Variants in ILDR1 observed in about 807,000 individuals in gnomAD.
The protein encoded by ILDR1 is immunoglobulin like domain containing receptor 1, also known as immunoglobulin-like domain-containing receptor 1.
ILDR1 carries 56 observed loss-of-function variants against 62.4 expected under a neutral mutation model. The observed-to-expected ratio is 0.90, with a 90% CI of 0.72 to 1.12. The LOEUF (loss-of-function observed/expected upper bound fraction) is 1.12. Among genes scored for constraint, ILDR1 ranks in the 50% most tolerant of loss-of-function variants. ILDR1 has a pLI of 0.00. For synonymous variants in ILDR1, 284 were observed against 277.8 expected (o/e 1.02, Z -0.22); for missense variants, 736 against 710.6 (o/e 1.04, Z -0.41).
At chr3:122,048,231 G>A in the ILDR1 span, among the ~76,000 whole-genome samples, 1 of 152,148 alleles carries the variant, frequency 6.6e-6, no homozygotes, top group Non-Finnish European at 1.5e-5. Context: ...TTTTAATGAT[G>A]TACCATACTA....
At chr3:122,035,566 C>A in the ILDR1 span, among the ~76,000 whole-genome samples, 1 of 152,182 alleles carries the variant, frequency 6.6e-6, no homozygotes, top group Non-Finnish European at 1.5e-5. Context: ...TTGCTATTCT[C>A]ATGATAGTGA....
At chr3:122,032,139 C>T in the ILDR1 span, among the ~76,000 whole-genome samples, 1 of 152,312 alleles carries the variant, frequency 6.6e-6, no homozygotes, top group Non-Finnish European at 1.5e-5. Context: ...TCCCTCCTTG[C>T]TTCTCCCCAA....
intron 1 of ILDR1, among the ~76,000 whole-genome samples, chr3:122,021,805 T>C (rs1002945059): frequency 6.6e-6 from 1 of 152,220 alleles, no homozygotes; most frequent in South Asian, 2.1e-4. Flanking sequence ...TTGCACCTGT[T>C]TGGGAAGGGC....
intron 1 of ILDR1, among the ~76,000 whole-genome samples, chr3:122,017,267 T>G (rs550242071): frequency 1.3e-5 from 2 of 152,122 alleles, no homozygotes; most frequent in Non-Finnish European, 2.9e-5. Context: ...CAGGCTGGTC[T>G]TGAACTCCTG....
intron 7 of ILDR1, among the ~76,000 whole-genome samples, chr3:121,988,800 A>G (rs550324336): frequency 2.0e-5 from 3 of 152,252 alleles, no homozygotes; most frequent in African/African-American, 7.2e-5. Context: ...TTTCCTTTTT[A>G]TAATCTCCTG....
At chr3:122,029,942 A>T in the ILDR1 span, among the ~76,000 whole-genome samples, 1 of 152,220 alleles carries the variant, frequency 6.6e-6, no homozygotes, top group African/African-American at 2.4e-5. Flanking sequence ...CACTTCTGGC[A>T]TTCTACACTT....
the ILDR1 span, among the ~76,000 whole-genome samples, chr3:122,046,179 G>C: frequency 6.6e-6 from 1 of 151,222 alleles, no homozygotes; most frequent in South Asian, 2.1e-4. Flanking sequence ...CACTTATGAA[G>C]CTTAGTTTGG....
the ILDR1 span, among the ~76,000 whole-genome samples, chr3:122,037,082 A>G: frequency 6.6e-6 from 1 of 152,260 alleles, no homozygotes; most frequent in African/African-American, 2.4e-5. Flanking sequence ...AAATGCCTGG[A>G]TGTTCAGGCA....
the ILDR1 span, among the ~76,000 whole-genome samples, chr3:122,040,793 A>G: frequency 2.0e-5 from 3 of 151,888 alleles, no homozygotes; most frequent in Non-Finnish European, 4.4e-5. Flanking sequence ...ATTTAAAATG[A>G]AAAACTGCAA....
At chr3:122,009,366 G>C (rs958153103) in intron 1 of ILDR1, among the ~76,000 whole-genome samples, 16 of 51,294 alleles carry the variant, frequency 3.1e-4, no homozygotes, top group South Asian at 2.4e-3. Context: ...CACACACACA[G>C]GCTTTAGATT....
chr3:122,042,717 T>C, the ILDR1 span, among the ~76,000 whole-genome samples: 1 of 152,238 alleles, frequency 6.6e-6, no homozygotes, highest in Non-Finnish European at 1.5e-5. Context: ...TGTCTTCTTT[T>C]GAGAAGTGTC....
the ILDR1 span, among the ~76,000 whole-genome samples, chr3:122,051,109 C>G: frequency 6.6e-6 from 1 of 152,146 alleles, no homozygotes; most frequent in Admixed American, 6.5e-5. Flanking sequence ...GCTTCAGTGT[C>G]TATTTGTTTG....
upstream of ILDR1, among the ~76,000 whole-genome samples, chr3:122,024,728 T>C (rs1009775367): frequency 2.0e-5 from 3 of 152,204 alleles, no homozygotes; most frequent in Admixed American, 6.5e-5. Context: ...GAAACCGAGG[T>C]ACAAAGAGAT....
At chr3:122,051,902 T>G in the ILDR1 span, among the ~76,000 whole-genome samples, 9 of 152,194 alleles carry the variant, frequency 5.9e-5, no homozygotes, top group Non-Finnish European at 1.2e-4. Flanking sequence ...TAGAGAGATT[T>G]TCTGGCTTCT....
chr3:122,030,559 G>A, the ILDR1 span, among the ~76,000 whole-genome samples: 3 of 151,266 alleles, frequency 2.0e-5, no homozygotes, highest in East Asian at 5.8e-4. Flanking sequence ...ACTATGGATG[G>A]TTTTAATGGT....
In ILDR1 at chr3:121,993,859, T is replaced by C. The variant is rs774189712; in HGVS notation, c.890A>G (p.Asn297Ser). Reference sequence around the variant, plus strand: ...GTCAGGGGGCAGAGGCTGGGCCAGGTTGAGGTTCCGCAGTTCTTTCTCCAA... The same window carrying C: ...GTCAGGGGGCAGAGGCTGGGCCAGGCTGAGGTTCCGCAGTTCTTTCTCCAA... ...EYLEKELRNL[N>S]LAQPLPPDLK... is the part of the protein sequence containing the mutation. The change falls in exon 7 of 8, where the codon AAC becomes AGC. Residue 297 changes from asparagine to serine, a missense_variant. Transcript: ENST00000344209. The C allele has an allele frequency of 3.5e-5, 56 of 1,613,824 alleles. No individual in the cohort carries two copies. The highest frequency in any genetic ancestry group is 4.7e-5 in the Non-Finnish European group (55 of 1,179,990).
At chr3:122,036,944 C>T in the ILDR1 span, among the ~76,000 whole-genome samples, 5 of 152,238 alleles carry the variant, frequency 3.3e-5, no homozygotes, top group Non-Finnish European at 5.9e-5. Flanking sequence ...AGGTACAGCT[C>T]AGGCCATGGC....
At chr3:121,992,840 C>CT (rs2071369879) in intron 7 of ILDR1, among the ~76,000 whole-genome samples, 1 of 152,206 alleles carries the variant, frequency 6.6e-6, no homozygotes, top group Non-Finnish European at 1.5e-5. Flanking sequence ...TTGCAAGGTG[C>CT]TTAATCATGC....
At chr3:122,004,532 C>T (rs547827769) in intron 3 of ILDR1, among the ~76,000 whole-genome samples, 8 of 152,294 alleles carry the variant, frequency 5.3e-5, no homozygotes, top group Admixed American at 2.6e-4. Flanking sequence ...GATGCACACC[C>T]GCACCTGACT....
Sources: gnomAD v4.1 joint callset for allele counts (sites outside exome capture counted in the v4.1 genomes callset) on GRCh38, gnomAD v4.1.1 for gene constraint, MANE v1.5 for transcripts, NCBI Gene and HGNC (gene_info 2026-07-23, HGNC 2026-07-21) for gene names.